The following HHLA2 variants were observed in gnomAD, a reference collection of about 807,000 sequenced individuals.
HHLA2 encodes HERV-H LTR-associating protein 2.
A neutral mutation model predicts 45.9 loss-of-function variants in HHLA2; 48 were observed. The ratio of observed to expected loss-of-function variants is 1.05; its 90% CI spans 0.83 to 1.33. The LOEUF (loss-of-function observed/expected upper bound fraction) is 1.33, where lower values mean the gene tolerates loss of function less well. Among genes scored for constraint, HHLA2 ranks in the 40% most tolerant of loss-of-function variants. The probability of loss-of-function intolerance (pLI) is 0.00; values close to 1 mark genes in which losing one functional copy is unlikely to be tolerated. For synonymous variants in HHLA2, 161 were observed against 173.9 expected (o/e 0.93, Z 0.59); for missense variants, 462 against 494.3 (o/e 0.93, Z 0.62).
intron 1 of HHLA2, among the ~76,000 whole-genome samples, chr3:108,298,946 T>C (rs1235769200): frequency 6.6e-6 from 1 of 152,222 alleles, no homozygotes; most frequent in Non-Finnish European, 1.5e-5. Context: ...AGGTGGGATG[T>C]CTTCTCCATG....
exon 11 of HHLA2, chr3:108,377,260 T>G: frequency 6.4e-7 from 1 of 1,564,596 alleles, no homozygotes. Context: ...GCTTCTAGCC[T>G]CTTTCAGGAA....
chr3:108,299,399 A>G (rs1255412689), intron 1 of HHLA2, among the ~76,000 whole-genome samples: 1 of 150,280 alleles, frequency 6.7e-6, no homozygotes, highest in East Asian at 1.9e-4. Flanking sequence ...ATACATATTT[A>G]TTATAGATAA....
intron 7 of HHLA2, among the ~76,000 whole-genome samples, chr3:108,360,653 G>C (rs1363497039): frequency 6.6e-6 from 1 of 152,210 alleles, no homozygotes; most frequent in Non-Finnish European, 1.5e-5. Context: ...AAAGGGCGCA[G>C]TCACGTCCCA....
At chr3:108,351,411 C>A (rs1432406070) in intron 3 of HHLA2, among the ~76,000 whole-genome samples, 1 of 152,134 alleles carries the variant, frequency 6.6e-6, no homozygotes, top group Non-Finnish European at 1.5e-5. Context: ...ATCCAGAGAA[C>A]CACTGTTGCA....
rs114581059 is a variant in HHLA2 at position 108,303,196 on chromosome 3, T to C, written c.-192+6597T>C. Reference sequence around the variant, plus strand: ...TCTTACATTGTATTTATGTATCAACTCCTTGATTTGATGAGTTCTTGACTT... The same window carrying C: ...TCTTACATTGTATTTATGTATCAACCCCTTGATTTGATGAGTTCTTGACTT... On this transcript the variant is annotated intron_variant, in intron 1 of 10. Coordinates refer to ENST00000619531, the Ensembl canonical transcript of HHLA2. 7.5e-3 allele frequency among the ~76,000 whole-genome samples: 1,139 copies of C among 152,322 alleles called. 14 individuals are homozygous for C. The highest frequency in any genetic ancestry group is 0.026 in the African/African-American group (1,078 of 41,574).
chr3:108,369,041 A>C (rs182972703), intron 8 of HHLA2, among the ~76,000 whole-genome samples: 36 of 152,344 alleles, frequency 2.4e-4, no homozygotes, highest in South Asian at 2.3e-3. Context: ...CTACAGTGCA[A>C]TCAAATTAGA....
chr3:108,332,038 T>C (rs1043700266), intron 3 of HHLA2, among the ~76,000 whole-genome samples: 1 of 152,172 alleles, frequency 6.6e-6, no homozygotes, highest in Non-Finnish European at 1.5e-5. Flanking sequence ...TTTCTGTAGA[T>C]CTTAAAATTG....
chr3:108,342,462 G>A (rs1363026336), intron 3 of HHLA2, among the ~76,000 whole-genome samples: 3 of 151,538 alleles, frequency 2.0e-5, no homozygotes, highest in South Asian at 2.1e-4. Context: ...ACAGGGTTTC[G>A]CCATGTTGAC....
At chr3:108,375,691 A>T in intron 8 of HHLA2, 59 bp from the exon 8 acceptor site, 1 of 1,577,018 alleles carries the variant, frequency 6.3e-7, no homozygotes. Flanking sequence ...GTGACCTTAC[A>T]GGGAAACAGC....
At chr3:108,339,638 GT>G (rs1473693405) in intron 3 of HHLA2, among the ~76,000 whole-genome samples, 2 of 152,040 alleles carry the variant, frequency 1.3e-5, no homozygotes, top group East Asian at 3.9e-4. Context: ...TACCAAAAGG[GT>G]TAATAAAACG....
intron 1 of HHLA2, among the ~76,000 whole-genome samples, chr3:108,307,222 A>G (rs917504625): frequency 6.6e-6 from 1 of 151,744 alleles, no homozygotes; most frequent in African/African-American, 2.4e-5. Context: ...TCTCCTTAAA[A>G]CTGCTTTTAT....
intron 2 of HHLA2, among the ~76,000 whole-genome samples, chr3:108,325,003 C>T (rs1399196392): frequency 1.3e-5 from 2 of 152,108 alleles, no homozygotes; most frequent in Non-Finnish European, 2.9e-5. Flanking sequence ...TCCTTTCAGA[C>T]ATCTCACTTT....
At chr3:108,306,514 G>A (rs534992346) in intron 1 of HHLA2, among the ~76,000 whole-genome samples, 5 of 152,092 alleles carry the variant, frequency 3.3e-5, no homozygotes, top group South Asian at 2.1e-4. Context: ...CCCTCTGTGC[G>A]TGTGTGTGAA....
intron 8 of HHLA2, among the ~76,000 whole-genome samples, chr3:108,371,118 C>A (rs917716743): frequency 1.3e-5 from 2 of 152,212 alleles, no homozygotes; most frequent in African/African-American, 4.8e-5. Context: ...ATCAGACTAA[C>A]AGCTGATCTC....
At chr3:108,317,463 T>C (rs1348228717) in intron 2 of HHLA2, among the ~76,000 whole-genome samples, 1 of 152,190 alleles carries the variant, frequency 6.6e-6, no homozygotes, top group Admixed American at 6.5e-5. Flanking sequence ...TCCCAGCCCT[T>C]GAGGTTGGTA....
chr3:108,315,826 C>G (rs1022876099), intron 2 of HHLA2, among the ~76,000 whole-genome samples: 1 of 152,116 alleles, frequency 6.6e-6, no homozygotes, highest in African/African-American at 2.4e-5. Flanking sequence ...AAACATCTAC[C>G]TGGCCCTTAA....
intron 2 of HHLA2, among the ~76,000 whole-genome samples, chr3:108,314,640 G>C (rs1046498606): frequency 6.6e-6 from 1 of 152,074 alleles, no homozygotes; most frequent in Non-Finnish European, 1.5e-5. Flanking sequence ...AGGAGAGGGC[G>C]GTAGGCTGTG....
chr3:108,315,696 T>C (rs1014650962), intron 2 of HHLA2, among the ~76,000 whole-genome samples: 9 of 152,218 alleles, frequency 5.9e-5, no homozygotes, highest in African/African-American at 1.9e-4. Context: ...CTTCTCTTGG[T>C]ATTTTAAAAG....
chr3:108,346,679 TTA>T (rs1164117651), intron 3 of HHLA2, among the ~76,000 whole-genome samples: 1 of 152,202 alleles, frequency 6.6e-6, no homozygotes, highest in Non-Finnish European at 1.5e-5. Context: ...ACAGATAACA[TTA>T]TATGTTTTTA....
Sources: allele counts gnomAD v4.1 joint callset (sites outside exome capture counted in the v4.1 genomes callset), GRCh38; gene constraint gnomAD v4.1.1; transcripts MANE v1.5; gene names NCBI Gene and HGNC (gene_info 2026-07-23, HGNC 2026-07-21).